Variants in CCSER1 observed in about 807,000 individuals in gnomAD.
The protein encoded by CCSER1 is serine-rich coiled-coil domain-containing protein 1.
Under a neutral mutation model 82.0 loss-of-function variants are expected in CCSER1, and 41 were observed. The ratio of observed to expected loss-of-function variants is 0.50; its 90% CI spans 0.39 to 0.65. The LOEUF (loss-of-function observed/expected upper bound fraction) is 0.65, where lower values mean the gene tolerates loss of function less well. CCSER1 is among the 30% of genes least tolerant of loss of function. The pLI is 0.00. For missense variants in CCSER1, 1,119 were observed against 1,064.2 expected (o/e 1.05, Z -0.72); for synonymous variants, 414 against 383.9 (o/e 1.08, Z -0.92).
intron 9 of CCSER1, among the ~76,000 whole-genome samples, chr4:91,077,950 G>A (rs369990398): frequency 9.2e-5 from 14 of 152,218 alleles, no homozygotes; most frequent in South Asian, 2.1e-4. Flanking sequence ...AGGGAAGCTC[G>A]AACTGGGTGG....
intron 10 of CCSER1, among the ~76,000 whole-genome samples, chr4:91,562,809 A>C (rs1361761388): frequency 1.3e-5 from 2 of 151,626 alleles, no homozygotes; most frequent in Non-Finnish European, 3.0e-5. Flanking sequence ...TAGTTTAAAG[A>C]GGAAATATTT....
intron 3 of CCSER1, among the ~76,000 whole-genome samples, chr4:90,369,498 A>G (rs1178801987): frequency 6.6e-6 from 1 of 152,022 alleles, no homozygotes; most frequent in Non-Finnish European, 1.5e-5. Flanking sequence ...ACATTAGAAT[A>G]CATGATATAT....
intron 5 of CCSER1, among the ~76,000 whole-genome samples, chr4:90,593,150 T>C (rs1371928198): frequency 1.3e-5 from 2 of 152,148 alleles, no homozygotes; most frequent in Non-Finnish European, 2.9e-5. Flanking sequence ...GATTTATTCA[T>C]TTTTTTAATC....
At chr4:90,417,587 G>A (rs116221935) in intron 4 of CCSER1, among the ~76,000 whole-genome samples, 2,705 of 152,182 alleles carry the variant, frequency 0.018, 49 homozygotes, top group African/African-American at 0.036. Context: ...TAGTATATTA[G>A]ATCTGAAAAC....
rs540186402 is a variant in CCSER1 at position 91,315,230 on chromosome 4, CT to C, written c.2217+229240del. ...TCTCAGGAGGCAGACAAAGAGTAAT[CT>C]TTTATGGCTTCTGAATTGGCCCTCA... On this transcript the variant is annotated intron_variant, in intron 10 of 10. Transcript: ENST00000509176. Among the ~76,000 whole-genome samples the C allele has an allele frequency of 6.6e-5, 10 of 151,728 alleles. No individual in the cohort carries two copies. In the East Asian group the frequency reaches 1.9e-3, roughly 30 times the overall value.
At chr4:90,885,768 A>G (rs566417341) in intron 8 of CCSER1, among the ~76,000 whole-genome samples, 1 of 152,326 alleles carries the variant, frequency 6.6e-6, no homozygotes, top group South Asian at 2.1e-4. Flanking sequence ...TTTATCAGAT[A>G]CATAAATCAA....
intron 10 of CCSER1, among the ~76,000 whole-genome samples, chr4:91,096,031 C>T (rs1275103790): frequency 6.6e-6 from 1 of 152,126 alleles, no homozygotes; most frequent in Non-Finnish European, 1.5e-5. Flanking sequence ...TGGAGCAAGT[C>T]AATTAGAGCT....
chr4:91,218,269 G>A (rs1330338202), intron 10 of CCSER1, among the ~76,000 whole-genome samples: 1 of 152,182 alleles, frequency 6.6e-6, no homozygotes, highest in African/African-American at 2.4e-5. Flanking sequence ...CCGAGAGCGG[G>A]GCCCACCAAG....
At chr4:90,967,264 A>G (rs1381679117) in intron 9 of CCSER1, among the ~76,000 whole-genome samples, 1 of 151,898 alleles carries the variant, frequency 6.6e-6, no homozygotes, top group Non-Finnish European at 1.5e-5. Flanking sequence ...CCTGGCCAAA[A>G]TGATGAAACC....
At chr4:90,780,117 A>G (rs1036176399) in intron 7 of CCSER1, among the ~76,000 whole-genome samples, 11 of 152,204 alleles carry the variant, frequency 7.2e-5, no homozygotes, top group African/African-American at 2.2e-4. Flanking sequence ...AAGAACCCTC[A>G]CTGATATAGA....
At chr4:91,009,337 A>G (rs1462622612) in intron 9 of CCSER1, among the ~76,000 whole-genome samples, 1 of 152,346 alleles carries the variant, frequency 6.6e-6, no homozygotes, top group African/African-American at 2.4e-5. Context: ...GCTTTCAGGC[A>G]ATAGATGATT....
At chr4:91,003,820 G>T (rs1738261520) in intron 9 of CCSER1, among the ~76,000 whole-genome samples, 1 of 152,138 alleles carries the variant, frequency 6.6e-6, no homozygotes, top group East Asian at 1.9e-4. Flanking sequence ...AGTGCCTCTG[G>T]CTGCCCTCCC....
chr4:90,811,135 G>C (rs965800281), intron 7 of CCSER1, among the ~76,000 whole-genome samples: 5 of 152,092 alleles, frequency 3.3e-5, no homozygotes, highest in African/African-American at 1.2e-4. Flanking sequence ...CACCGCATCC[G>C]GCAGGAGTAA....
chr4:90,735,871 T>G (rs1745554676), intron 7 of CCSER1, among the ~76,000 whole-genome samples: 2 of 152,170 alleles, frequency 1.3e-5, no homozygotes, highest in African/African-American at 4.8e-5. Context: ...TAGAAATGCT[T>G]TCACTATAGC....
At chr4:90,795,327 T>C (rs1755846314) in intron 7 of CCSER1, among the ~76,000 whole-genome samples, 1 of 151,896 alleles carries the variant, frequency 6.6e-6, no homozygotes, top group Admixed American at 6.6e-5. Flanking sequence ...ATGTTCGTGA[T>C]TTCTGCACAT....
intron 3 of CCSER1, among the ~76,000 whole-genome samples, chr4:90,341,596 T>C (rs1311879105): frequency 6.6e-6 from 1 of 152,138 alleles, no homozygotes; most frequent in Non-Finnish European, 1.5e-5. Context: ...TAATCTTCTA[T>C]GATATTTATT....
intron 7 of CCSER1, among the ~76,000 whole-genome samples, chr4:90,751,304 G>A (rs1203546305): frequency 6.6e-6 from 1 of 152,118 alleles, no homozygotes; most frequent in African/African-American, 2.4e-5. Context: ...TTCATGTTGA[G>A]TAATTAGGTT....
At chr4:91,551,658 C>CAA (rs1375789535) in intron 10 of CCSER1, among the ~76,000 whole-genome samples, 3 of 10,624 alleles carry the variant, frequency 2.8e-4, no homozygotes, top group Non-Finnish European at 6.3e-4. Flanking sequence ...AAAAAACAAA[C>CAA]ACACACACAC....
intron 10 of CCSER1, among the ~76,000 whole-genome samples, chr4:91,490,626 T>C (rs1758466645): frequency 6.6e-6 from 1 of 151,324 alleles, no homozygotes; most frequent in Non-Finnish European, 1.5e-5. Context: ...GAAGTAGATT[T>C]AATGGTACAA....
Sources: allele counts gnomAD v4.1 joint callset (sites outside exome capture counted in the v4.1 genomes callset), GRCh38; gene constraint gnomAD v4.1.1; transcripts MANE v1.5; gene names NCBI Gene and HGNC (gene_info 2026-07-23, HGNC 2026-07-21).